The following CNTNAP5 variants were observed in gnomAD, a reference collection of about 807,000 sequenced individuals.
CNTNAP5 encodes the protein contactin associated protein family member 5, also known as contactin-associated protein-like 5.
Under a neutral mutation model 150.2 loss-of-function variants are expected in CNTNAP5, and 72 were observed. That is an observed-to-expected ratio of 0.48 (90% CI 0.40 to 0.58). The LOEUF (loss-of-function observed/expected upper bound fraction) is 0.58, where lower values mean the gene tolerates loss of function less well. CNTNAP5 is among the 20% of genes least tolerant of loss of function. The probability of loss-of-function intolerance (pLI) is 0.00; values close to 1 mark genes in which losing one functional copy is unlikely to be tolerated. For synonymous variants in CNTNAP5, 672 were observed against 619.8 expected, an observed-to-expected ratio of 1.08 and a Z score of -1.25; for missense variants, 1,636 against 1,626.2, an observed-to-expected ratio of 1.01 and a Z score of -0.10.
intron 19 of CNTNAP5, among the ~76,000 whole-genome samples, chr2:124,812,658 A>G (rs1401774201): frequency 1.3e-5 from 2 of 152,092 alleles, no homozygotes; most frequent in Non-Finnish European, 2.9e-5. Flanking sequence ...CTTTCTATTG[A>G]TATTAACTCT....
chr2:124,350,802 AT>A (rs1237582826), intron 3 of CNTNAP5, among the ~76,000 whole-genome samples: 1 of 152,214 alleles, frequency 6.6e-6, no homozygotes, highest in African/African-American at 2.4e-5. Flanking sequence ...GAATGTACAT[AT>A]CATGAAGTCT....
chr2:124,381,448 T>G (rs1464590787), intron 3 of CNTNAP5, among the ~76,000 whole-genome samples: 3 of 151,836 alleles, frequency 2.0e-5, no homozygotes, highest in African/African-American at 7.3e-5. Context: ...AGTAAAGAAA[T>G]TAAAAGTAAT....
chr2:124,177,410 TG>T (rs1216604009), intron 1 of CNTNAP5, among the ~76,000 whole-genome samples: 1 of 152,134 alleles, frequency 6.6e-6, no homozygotes, highest in Non-Finnish European at 1.5e-5. Flanking sequence ...AAACAACTTC[TG>T]GGTTCTCTAT....
intron 10 of CNTNAP5, among the ~76,000 whole-genome samples, chr2:124,559,798 G>A (rs994732754): frequency 6.6e-6 from 1 of 152,140 alleles, no homozygotes; most frequent in Non-Finnish European, 1.5e-5. Context: ...TAAGAAAATT[G>A]GTGTCATGTG....
At chr2:124,068,014 A>G (rs1362489933) in intron 1 of CNTNAP5, among the ~76,000 whole-genome samples, 1 of 152,190 alleles carries the variant, frequency 6.6e-6, no homozygotes, top group Admixed American at 6.5e-5. Context: ...GGAGTACACA[A>G]GTGGAGCAAG....
At chr2:124,739,645 T>C (rs897009881) in intron 13 of CNTNAP5, among the ~76,000 whole-genome samples, 12 of 152,152 alleles carry the variant, frequency 7.9e-5, no homozygotes, top group Non-Finnish European at 1.8e-4. Flanking sequence ...TCCCAAACAG[T>C]CATTTCCTAA....
chr2:124,062,311 C>T (rs1039770823), intron 1 of CNTNAP5, among the ~76,000 whole-genome samples: 19 of 152,198 alleles, frequency 1.2e-4, no homozygotes, highest in African/African-American at 4.6e-4. Flanking sequence ...ATCTACTCCT[C>T]TGCATCTTTA....
At chr2:124,911,205 A>G (rs1200311206) in intron 22 of CNTNAP5, among the ~76,000 whole-genome samples, 1 of 151,952 alleles carries the variant, frequency 6.6e-6, no homozygotes, top group Non-Finnish European at 1.5e-5. Flanking sequence ...TGGACAGGAT[A>G]CCACCATCCT....
At position 124,067,889 on chromosome 2, in the gene CNTNAP5, A is replaced by G. The variant is rs572382482; in HGVS notation, c.82+42157A>G. On this transcript the variant is annotated intron_variant, in intron 1 of 23. Transcript: ENST00000682447. ...GACTTGATATTACTCAATTCTATTAATTGAAATAACAGTATTACATTTACT... is the reference window on the plus strand; with the variant it reads ...GACTTGATATTACTCAATTCTATTAGTTGAAATAACAGTATTACATTTACT... Among the ~76,000 whole-genome samples, 43 of 152,308 alleles carry G rather than the reference A, an allele frequency of 2.8e-4. 1 individual carries two copies. Among genetic ancestry groups the G allele is most frequent in the South Asian group, 8.3e-4 (4 of 4,830 alleles).
At chr2:124,385,131 A>G (rs1690896280) in intron 3 of CNTNAP5, among the ~76,000 whole-genome samples, 1 of 152,216 alleles carries the variant, frequency 6.6e-6, no homozygotes, top group African/African-American at 2.4e-5. Flanking sequence ...TCATTTGAAC[A>G]TGAATTAAAG....
intron 13 of CNTNAP5, among the ~76,000 whole-genome samples, chr2:124,730,062 G>A (rs889619693): frequency 4.6e-5 from 7 of 152,040 alleles, no homozygotes; most frequent in Admixed American, 1.3e-4. Context: ...AGTATATCAT[G>A]TTATTTCCAA....
chr2:124,263,623 C>A (rs1256793090), intron 3 of CNTNAP5, among the ~76,000 whole-genome samples: 3 of 152,128 alleles, frequency 2.0e-5, no homozygotes, highest in South Asian at 2.1e-4. Flanking sequence ...ATGGTAGTTT[C>A]TTTTGCTGTG....
At chr2:124,359,085 T>G (rs1295512288) in intron 3 of CNTNAP5, among the ~76,000 whole-genome samples, 3 of 151,846 alleles carry the variant, frequency 2.0e-5, no homozygotes, top group Non-Finnish European at 4.4e-5. Flanking sequence ...TTCTAGTTTA[T>G]TTGCATAGAG....
intron 11 of CNTNAP5, among the ~76,000 whole-genome samples, chr2:124,574,626 G>T (rs993765066): frequency 3.3e-5 from 5 of 152,152 alleles, no homozygotes; most frequent in African/African-American, 1.2e-4. Flanking sequence ...AATTACTTGG[G>T]TTTTCATTTG....
intron 3 of CNTNAP5, among the ~76,000 whole-genome samples, chr2:124,337,812 C>A (rs1402643000): frequency 2.0e-5 from 3 of 151,750 alleles, no homozygotes; most frequent in African/African-American, 7.3e-5. Context: ...TAGTGTGATG[C>A]CTCCAGCTTT....
chr2:124,685,765 C>T (rs115047474), intron 13 of CNTNAP5, among the ~76,000 whole-genome samples: 33,875 of 148,060 alleles, frequency 0.23, 4,216 homozygotes, highest in African/African-American at 0.36. Context: ...TGTGTGTGCG[C>T]GCGCGTGTTA....
At chr2:124,249,960 TTTGTGTG>T (rs1441624006) in intron 3 of CNTNAP5, among the ~76,000 whole-genome samples, 15 of 75,486 alleles carry the variant, frequency 2.0e-4, no homozygotes, top group Middle Eastern at 6.3e-3. Flanking sequence ...GATGAATTCT[TTTGTGTG>T]TGTGTGTGTG....
chr2:124,720,562 T>C (rs535900857), intron 13 of CNTNAP5, among the ~76,000 whole-genome samples: 2 of 152,204 alleles, frequency 1.3e-5, no homozygotes, highest in Non-Finnish European at 1.5e-5. Context: ...TTTTTAAATT[T>C]GATTTTAAAT....
At chr2:124,729,408 A>C (rs964241926) in intron 13 of CNTNAP5, among the ~76,000 whole-genome samples, 6 of 152,084 alleles carry the variant, frequency 3.9e-5, no homozygotes, top group Admixed American at 1.3e-4. Context: ...GTTAGGCATC[A>C]TTCTTTATCC....
Sources: gnomAD v4.1 joint callset for allele counts (sites outside exome capture counted in the v4.1 genomes callset) on GRCh38, gnomAD v4.1.1 for gene constraint, MANE v1.5 for transcripts, NCBI Gene and HGNC (gene_info 2026-07-23, HGNC 2026-07-21) for gene names.